ZMYND11: variants seen among roughly 807,000 people sequenced by gnomAD.
ZMYND11 encodes zinc finger MYND domain-containing protein 11.
A neutral mutation model predicts 84.9 loss-of-function variants in ZMYND11; 9 were observed. The observed-to-expected ratio is 0.11, with a 90% CI of 0.06 to 0.18. The LOEUF (loss-of-function observed/expected upper bound fraction) is 0.18. ZMYND11 is among the 10% of genes least tolerant of loss of function. ZMYND11 has a pLI of 1.00. For synonymous variants in ZMYND11, 250 were observed against 244.1 expected (o/e 1.02, Z -0.23); for missense variants, 409 against 761.0 (o/e 0.54, Z 5.44).
intron 1 of ZMYND11, among the ~76,000 whole-genome samples, chr10:171,069 G>T (rs1554765550): frequency 6.6e-6 from 1 of 152,112 alleles, no homozygotes; most frequent in Non-Finnish European, 1.5e-5. Context: ...AGTTATAAGG[G>T]ATAAAGGTGG....
chr10:241,886 T>A (rs1388230637), intron 9 of ZMYND11, 135 bp from the exon 10 acceptor site: 4 of 1,097,836 alleles, frequency 3.6e-6, no homozygotes, highest in East Asian at 5.0e-5. Context: ...AGAAAAAAAA[T>A]CTCGTATGTG....
intron 3 of ZMYND11, among the ~76,000 whole-genome samples, chr10:213,338 A>G (rs1945599965): frequency 6.6e-6 from 1 of 152,156 alleles, no homozygotes; most frequent in Admixed American, 6.5e-5. Context: ...CCAGCATTTG[A>G]GTCTGGGGCC....
chr10:215,400 G>A (rs1185255681), intron 3 of ZMYND11, among the ~76,000 whole-genome samples: 4 of 152,138 alleles, frequency 2.6e-5, no homozygotes, highest in African/African-American at 9.7e-5. Flanking sequence ...CCTTGTCACA[G>A]TTAATGCCAG....
intron 2 of ZMYND11, among the ~76,000 whole-genome samples, chr10:180,571 T>G (rs903227643): frequency 1.3e-5 from 2 of 152,206 alleles, no homozygotes; most frequent in African/African-American, 4.8e-5. Context: ...AGCTAATTTT[T>G]TGTATTTTTA....
chr10:248,614 G>C lies in ZMYND11; in HGVS notation c.1500+6G>C, dbSNP rs983250318. The C allele has an allele frequency of 1.9e-6, 3 of 1,592,344 alleles. No individual in the cohort carries two copies. The highest frequency in any genetic ancestry group is 8.5e-7 in the Non-Finnish European group (1 of 1,170,222). ...TCCGAGAAGCTCTGGAGAAGGTAAT[G>C]CTTGTCGCCACTGTGGGTGCCCTGC... On this transcript the variant is annotated splice_donor_region_variant and intron_variant, in intron 13 of 14. Transcript: ENST00000381604.
At chr10:224,065 AT>A (rs1299035163) in intron 4 of ZMYND11, among the ~76,000 whole-genome samples, 2 of 152,196 alleles carry the variant, frequency 1.3e-5, no homozygotes, top group African/African-American at 4.8e-5. Context: ...GAAGCTAACC[AT>A]TACTACCTAA....
intron 2 of ZMYND11, among the ~76,000 whole-genome samples, chr10:203,605 A>G (rs941344603): frequency 6.6e-6 from 1 of 152,188 alleles, no homozygotes; most frequent in Non-Finnish European, 1.5e-5. Context: ...TCTGAAAAAG[A>G]AGGAGAGGAA....
chr10:136,970 C>T lies in ZMYND11; in HGVS notation c.-20+1411C>T, dbSNP rs184255470. Among the ~76,000 whole-genome samples the T allele has an allele frequency of 5.9e-5, 9 of 152,156 alleles. No individual in the cohort carries two copies. In the East Asian group the frequency reaches 1.7e-3, roughly 29 times the overall value. ...GTCATATACAGTGTATATACACTAC[C>T]TGGTGTTATCTATGTTTTGTATATA... On this transcript the variant is annotated intron_variant, in intron 1 of 14. Coordinates refer to ENST00000381604, the MANE Select transcript of ZMYND11 (RefSeq NM_001370100.5).
rs1410854194 is a variant in ZMYND11, at chr10:236,899, C to T, written c.500C>T (p.Ser167Phe). 2 of 1,613,294 alleles carry T rather than the reference C, an allele frequency of 1.2e-6. No homozygotes were observed. The highest frequency in any genetic ancestry group is 1.3e-5 in the African/African-American group (1 of 74,926). Residue 167 changes from serine (S) to phenylalanine (F), a missense_variant, in exon 5 of 15, where the codon TCC becomes TTC. This residue lies in a region of ZMYND11 where 53 missense variants were observed against 71.1 expected (regional missense o/e 0.75). Coordinates refer to ENST00000381604, the MANE Select transcript of ZMYND11 (RefSeq NM_001370100.5). ...EMGTYLRFIVSRMKERAIDLN... is the reference protein window; with the variant it reads ...EMGTYLRFIVFRMKERAIDLN... ...GGCACATACCTCAGATTCATTGTCT[C>T]CCGCATGAAGGAGAGGGTGAGTCCT... is the stretch of plus-strand genomic sequence containing the variant.
intron 2 of ZMYND11, among the ~76,000 whole-genome samples, 164 bp from the exon 3 acceptor site, chr10:209,721 CCTTT>C (rs1367633833): frequency 1.4e-5 from 2 of 141,482 alleles, no homozygotes; most frequent in African/African-American, 5.3e-5. Flanking sequence ...GAAGACTTTT[CCTTT>C]CTTTTCTGTT....
Position 185,747 on chromosome 10 carries a change from G to A in ZMYND11, c.116+5619G>A, listed in dbSNP as rs568829686. On this transcript the variant is annotated intron_variant, in intron 2 of 14. Transcript: ENST00000381604. ...GGAGAGTCACTTGAACCCGGGAGGCGGAGGTTGCAGTCAGTCAAGATTGCG... is the reference window on the plus strand; with the variant it reads ...GGAGAGTCACTTGAACCCGGGAGGCAGAGGTTGCAGTCAGTCAAGATTGCG... Among the ~76,000 whole-genome samples, 65 of 148,872 alleles carry A rather than the reference G, an allele frequency of 4.4e-4. 1 individual carries two copies. Among genetic ancestry groups the A allele is most frequent in the Admixed American group, 1.7e-3 (25 of 14,910 alleles).
intron 2 of ZMYND11, among the ~76,000 whole-genome samples, chr10:193,854 G>A (rs749491156): frequency 9.2e-5 from 14 of 152,042 alleles, no homozygotes; most frequent in Non-Finnish European, 1.5e-5. Flanking sequence ...TCTTTTCTTG[G>A]TTAGCATGTT....
rs192988675 is a variant in ZMYND11, at chr10:216,398, C to T, written c.277-4797C>T. On this transcript the variant is annotated intron_variant, in intron 3 of 14. Transcript: ENST00000381604. ...TAATAGTTGTCATAAGTTAATCAAT[C>T]GTATGTTTTAAGTGCCCTTAGTGCA... Among the ~76,000 whole-genome samples the T allele has an allele frequency of 2.0e-3, 311 of 152,160 alleles. 2 individuals are homozygous for T. The highest frequency in any genetic ancestry group is 6.9e-3 in the African/African-American group (285 of 41,504).
chr10:164,768 G>T (rs911420193), intron 1 of ZMYND11, among the ~76,000 whole-genome samples: 1 of 152,140 alleles, frequency 6.6e-6, no homozygotes, highest in Admixed American at 6.6e-5. Context: ...GACAGTGTAT[G>T]TGTGTTGGAG....
intron 1 of ZMYND11, among the ~76,000 whole-genome samples, chr10:179,236 G>T (rs2130688162): frequency 6.6e-6 from 1 of 152,238 alleles, no homozygotes; most frequent in African/African-American, 2.4e-5. Flanking sequence ...CGGACATCCA[G>T]GGTTTAACCT....
At chr10:224,562 T>G (rs1386094896) in intron 4 of ZMYND11, among the ~76,000 whole-genome samples, 1 of 152,226 alleles carries the variant, frequency 6.6e-6, no homozygotes, top group African/African-American at 2.4e-5. Context: ...AAAATTCAAA[T>G]AATTTAGGAT....
upstream of ZMYND11, chr10:134,966 G>A (rs1362727038): frequency 6.7e-6 from 1 of 149,630 alleles, no homozygotes; most frequent in Non-Finnish European, 1.5e-5. Context: ...CGCAAGTCCG[G>A]CGCCAGCCGC....
intron 10 of ZMYND11, among the ~76,000 whole-genome samples, chr10:245,531 G>A (rs761219056): frequency 6.6e-6 from 1 of 152,126 alleles, no homozygotes; most frequent in East Asian, 1.9e-4. Context: ...GCATAAATAC[G>A]TGTGTTTATA....
chr10:200,392 A>T (rs544691303), intron 2 of ZMYND11, among the ~76,000 whole-genome samples: 1 of 146,396 alleles, frequency 6.8e-6, no homozygotes, highest in East Asian at 1.9e-4. Flanking sequence ...ATAACAATAT[A>T]TATTATATAT....
Sources: allele counts gnomAD v4.1 joint callset (sites outside exome capture counted in the v4.1 genomes callset), GRCh38; gene constraint gnomAD v4.1.1; regional missense constraint gnomAD v4.1.1; transcripts MANE v1.5; gene names NCBI Gene and HGNC (gene_info 2026-07-23, HGNC 2026-07-21).